Variants in NEDD4L observed in about 807,000 individuals in gnomAD.
The protein encoded by NEDD4L is E3 ubiquitin-protein ligase NEDD4-like.
NEDD4L carries 54 observed loss-of-function variants against 148.9 expected under a neutral mutation model. The ratio of observed to expected loss-of-function variants is 0.36; its 90% CI spans 0.29 to 0.45. NEDD4L has a LOEUF of 0.45. Ranked by LOEUF, NEDD4L falls within the 20% of genes least tolerant of loss-of-function variation. NEDD4L has a pLI of 1.00. For synonymous variants in NEDD4L, 433 were observed against 440.7 expected, an observed-to-expected ratio of 0.98 and a Z score of 0.22; for missense variants, 856 against 1,233.8, an observed-to-expected ratio of 0.69 and a Z score of 4.59.
chr18:58,110,493 C>T (rs1426107394), intron 1 of NEDD4L, among the ~76,000 whole-genome samples: 3 of 152,206 alleles, frequency 2.0e-5, no homozygotes, highest in Admixed American at 1.3e-4. Flanking sequence ...TCGTGTGGCT[C>T]TTGAGCTAAG....
At chr18:58,350,936 A>G in intron 17 of NEDD4L, 55 bp from the exon 18 acceptor site, 1 of 1,405,418 alleles carries the variant, frequency 7.1e-7, no homozygotes, top group Admixed American at 2.0e-5. Context: ...CTTTGATTTC[A>G]GAACTCCTAG....
chr18:58,286,632 G>C (rs1397684325), intron 5 of NEDD4L, among the ~76,000 whole-genome samples: 1 of 152,194 alleles, frequency 6.6e-6, no homozygotes, highest in Non-Finnish European at 1.5e-5. Context: ...GAGTAAGTCT[G>C]TCTCAGCTGA....
At chr18:58,113,051 T>C (rs1021711489) in intron 1 of NEDD4L, among the ~76,000 whole-genome samples, 1 of 152,206 alleles carries the variant, frequency 6.6e-6, no homozygotes, top group African/African-American at 2.4e-5. Flanking sequence ...AGTCAGACAC[T>C]GAATTTGCCA....
chr18:58,077,733 A>G (rs573507381), intron 1 of NEDD4L, among the ~76,000 whole-genome samples: 2 of 152,246 alleles, frequency 1.3e-5, no homozygotes, highest in South Asian at 4.2e-4. Flanking sequence ...GCTAATCCTC[A>G]CCTAAAATGC....
At chr18:58,345,596 T>G (rs1160869015) in intron 16 of NEDD4L, among the ~76,000 whole-genome samples, 1 of 152,134 alleles carries the variant, frequency 6.6e-6, no homozygotes, top group Non-Finnish European at 1.5e-5. Flanking sequence ...CTGAAAAGTA[T>G]CAGGACATTT....
At chr18:58,351,072 A>G in intron 18 of NEDD4L, 27 bp downstream of exon 18, 2 of 1,571,860 alleles carry the variant, frequency 1.3e-6, no homozygotes, top group Non-Finnish European at 1.7e-6. Context: ...ATGGACACAC[A>G]GGTGTTGTGG....
chr18:58,165,062 T>A (rs2036676301), intron 1 of NEDD4L, among the ~76,000 whole-genome samples: 1 of 152,214 alleles, frequency 6.6e-6, no homozygotes, highest in Non-Finnish European at 1.5e-5. Context: ...CCTTATCTAG[T>A]TCTCTAAGCT....
At chr18:58,316,088 T>C (rs549531) in intron 6 of NEDD4L, 56 bp downstream of exon 6, 1 of 1,399,456 alleles carries the variant, frequency 7.1e-7, no homozygotes, top group Non-Finnish European at 1.0e-6. Flanking sequence ...TTCTAATTGT[T>C]TGTAGTCAGT....
In NEDD4L at chr18:58,113,995, C is replaced by T. The variant is rs1486023182; in HGVS notation, c.49-51793C>T. Among the ~76,000 whole-genome samples the T allele has an allele frequency of 2.6e-5, 4 of 152,146 alleles. 1 individual carries two copies. Among genetic ancestry groups the T allele is most frequent in the South Asian group, 4.1e-4 (2 of 4,828 alleles). On this transcript the variant is annotated intron_variant, in intron 1 of 30. Transcript: ENST00000400345. ...CCTCTGTCCCCTGTGAGGGTATGTG[C>T]GCTCTCATACCAGCCGCAGGGCACT...
intron 27 of NEDD4L, chr18:58,387,859 C>T: frequency 5.5e-6 from 1 of 180,956 alleles, no homozygotes; most frequent in Non-Finnish European, 1.1e-5. Context: ...ACAAGGTTTG[C>T]AGTAGCCCTC....
Position 58,178,656 on chromosome 18 carries a change from CT to C in NEDD4L, c.122+12796del, listed in dbSNP as rs751946631. On this transcript the variant is annotated intron_variant, in intron 2 of 30. Transcript: ENST00000400345. ...ATTATTAAAAGGATTGGCATTCCTACTGTATAATATCAACACAAGGGATAGA... is the reference window on the plus strand; with the variant it reads ...ATTATTAAAAGGATTGGCATTCCTACGTATAATATCAACACAAGGGATAGA... Among the ~76,000 whole-genome samples the C allele has an allele frequency of 4.6e-5, 7 of 152,342 alleles. No individual in the cohort carries two copies. In the East Asian group the frequency reaches 1.2e-3, roughly 25 times the overall value.
chr18:58,342,004 A>T (rs185547087), intron 15 of NEDD4L, among the ~76,000 whole-genome samples: 28 of 152,196 alleles, frequency 1.8e-4, no homozygotes, highest in African/African-American at 6.0e-4. Flanking sequence ...CCTGATTCTC[A>T]TTCTCATTTG....
At chr18:58,394,447 G>A (rs1167438314) in intron 30 of NEDD4L, among the ~76,000 whole-genome samples, 2 of 152,236 alleles carry the variant, frequency 1.3e-5, no homozygotes, top group African/African-American at 4.8e-5. Context: ...TCAAGAATGG[G>A]CCTGAGACCC....
intron 9 of NEDD4L, among the ~76,000 whole-genome samples, chr18:58,328,622 A>G (rs1419613311): frequency 6.6e-6 from 1 of 152,200 alleles, no homozygotes; most frequent in Non-Finnish European, 1.5e-5. Flanking sequence ...GGGACTGCCC[A>G]GCTGCTGTGT....
At chr18:58,199,706 C>G (rs1480285352) in intron 2 of NEDD4L, among the ~76,000 whole-genome samples, 2 of 152,178 alleles carry the variant, frequency 1.3e-5, no homozygotes, top group Admixed American at 6.5e-5. Flanking sequence ...TTTTCTTTAG[C>G]TAAGGATGCC....
At chr18:58,183,573 C>G (rs1473691800) in intron 2 of NEDD4L, among the ~76,000 whole-genome samples, 1 of 152,196 alleles carries the variant, frequency 6.6e-6, no homozygotes, top group Non-Finnish European at 1.5e-5. Flanking sequence ...CAGCACCCCC[C>G]TCCTTGGAGA....
At chr18:58,263,735 C>CA (rs1049297491) in intron 5 of NEDD4L, among the ~76,000 whole-genome samples, 22 of 130,328 alleles carry the variant, frequency 1.7e-4, no homozygotes, top group African/African-American at 6.0e-4. Context: ...TGAAGGAAAA[C>CA]AACTGTTTTG....
At chr18:58,270,361 C>T (rs1308917172) in intron 5 of NEDD4L, among the ~76,000 whole-genome samples, 4 of 152,300 alleles carry the variant, frequency 2.6e-5, no homozygotes, top group African/African-American at 7.2e-5. Flanking sequence ...CATCAGGTGG[C>T]CTGAAGCCCA....
intron 1 of NEDD4L, among the ~76,000 whole-genome samples, chr18:58,161,320 C>A (rs1213149685): frequency 6.6e-6 from 1 of 152,142 alleles, no homozygotes; most frequent in Non-Finnish European, 1.5e-5. Flanking sequence ...CATGAGCCAC[C>A]GTACCCGGCA....
Sources: gnomAD v4.1 joint callset for allele counts (sites outside exome capture counted in the v4.1 genomes callset) on GRCh38, gnomAD v4.1.1 for gene constraint, MANE v1.5 for transcripts, NCBI Gene and HGNC (gene_info 2026-07-23, HGNC 2026-07-21) for gene names.